The following DCC variants were observed in gnomAD, a reference collection of about 807,000 sequenced individuals.
The protein encoded by DCC is DCC netrin 1 receptor.
A neutral mutation model predicts 172.5 loss-of-function variants in DCC; 58 were observed. The ratio of observed to expected loss-of-function variants is 0.34; its 90% CI spans 0.27 to 0.42. The LOEUF is 0.42. DCC is among the 10% of genes least tolerant of loss of function. The pLI, the probability that DCC is intolerant of heterozygous loss-of-function variation, is 1.00. For missense variants in DCC, 1,740 were observed against 1,791.0 expected, an observed-to-expected ratio of 0.97 and a Z score of 0.51; for synonymous variants, 709 against 644.5, an observed-to-expected ratio of 1.10 and a Z score of -1.52.
In DCC at chr18:52,955,992, C is replaced by A. The variant is rs528665609; in HGVS notation, c.985+30622C>A. ...TTTTTTAAATCAGTTGCATGTCTTA[C>A]AAAGGTTTTCTCCCAGTCAGTGACT... On this transcript the variant is annotated intron_variant, in intron 5 of 28. Transcript: ENST00000442544. Among the ~76,000 whole-genome samples the A allele has an allele frequency of 4.0e-4, 60 of 151,540 alleles. 1 individual carries two copies. The Middle Eastern group carries it at 0.01, about 26-fold the overall frequency.
At chr18:53,226,240 G>A (rs8099160) in intron 12 of DCC, among the ~76,000 whole-genome samples, 54,332 of 152,000 alleles carry the variant, frequency 0.36, 10,949 homozygotes, top group Non-Finnish European at 0.46. Flanking sequence ...AAGTGGCTTA[G>A]GTTCTCAGTG....
intron 1 of DCC, among the ~76,000 whole-genome samples, chr18:52,482,195 A>G (rs944077162): frequency 3.3e-5 from 5 of 152,178 alleles, no homozygotes; most frequent in South Asian, 2.1e-4. Flanking sequence ...CTCCTAATAG[A>G]GTTGTATCAT....
At chr18:52,745,317 CAAG>C (rs2145121019) in intron 1 of DCC, among the ~76,000 whole-genome samples, 1 of 152,216 alleles carries the variant, frequency 6.6e-6, no homozygotes, top group Admixed American at 6.5e-5. Context: ...AGAAGGGACA[CAAG>C]AACCCCCTTG....
At chr18:53,063,523 T>C (rs2042525302) in intron 6 of DCC, 64 bp downstream of exon 6, 1 of 1,352,738 alleles carries the variant, frequency 7.4e-7, no homozygotes, top group South Asian at 1.3e-5. Context: ...TTTTCACTTG[T>C]TTTTATTTCT....
intron 5 of DCC, among the ~76,000 whole-genome samples, chr18:52,951,930 G>A (rs1027939789): frequency 4.6e-5 from 7 of 152,150 alleles, no homozygotes; most frequent in Admixed American, 3.3e-4. Context: ...AATTGTTCAA[G>A]GATGCCCAAC....
intron 5 of DCC, among the ~76,000 whole-genome samples, chr18:53,011,992 A>G (rs1371741812): frequency 6.6e-6 from 1 of 151,914 alleles, no homozygotes; most frequent in Non-Finnish European, 1.5e-5. Flanking sequence ...ACAATGCTGA[A>G]ATACCCTTAG....
At chr18:52,698,952 G>A (rs1263672706) in intron 1 of DCC, among the ~76,000 whole-genome samples, 1 of 152,096 alleles carries the variant, frequency 6.6e-6, no homozygotes, top group Admixed American at 6.5e-5. Context: ...GCATAGGAAA[G>A]GTAGTGGCCT....
intron 15 of DCC, among the ~76,000 whole-genome samples, chr18:53,341,476 A>C (rs16956615): frequency 0.16 from 24,704 of 152,192 alleles, 2,485 homozygotes; most frequent in African/African-American, 0.27. Context: ...AAGAGCTAGG[A>C]ATATTTTTAA....
chr18:52,950,929 C>CAAAAAAAAAAAAAAAAAAAAAAAAA (rs755118442), intron 5 of DCC, among the ~76,000 whole-genome samples: 1 of 57,408 alleles, frequency 1.7e-5, no homozygotes, highest in Non-Finnish European at 3.1e-5. Context: ...GACTCCGTCT[C>CAAAAAAAAAAAAAAAAAAAAAAAAA]AAAAAAAAAA....
chr18:53,089,028 T>C (rs1012791809), intron 7 of DCC, among the ~76,000 whole-genome samples: 1 of 152,196 alleles, frequency 6.6e-6, no homozygotes, highest in Non-Finnish European at 1.5e-5. Flanking sequence ...GTAATGTGAC[T>C]AGCTTAGTTA....
Position 53,345,080 on chromosome 18 carries a change from T to A in DCC, c.2359+5173T>A, listed in dbSNP as rs560732221. On this transcript the variant is annotated intron_variant, in intron 15 of 28. Coordinates refer to ENST00000442544, the MANE Select transcript of DCC (RefSeq NM_005215.4). Reference sequence around the variant, plus strand: ...ATACATACACAAATAAACATAGCTGTGTCCTAATAAAACTTTATTTGTGGA... The same window carrying A: ...ATACATACACAAATAAACATAGCTGAGTCCTAATAAAACTTTATTTGTGGA... Among the ~76,000 whole-genome samples, 7 of 151,832 alleles carry A rather than the reference T, an allele frequency of 4.6e-5. No homozygotes were observed. The East Asian group carries it at 9.7e-4, about 21-fold the overall frequency.
chr18:52,964,563 CTG>C (rs1326274254), intron 5 of DCC, among the ~76,000 whole-genome samples: 1 of 151,996 alleles, frequency 6.6e-6, no homozygotes, highest in Admixed American at 6.6e-5. Flanking sequence ...GTTTGAGGGA[CTG>C]TGGGTACTAT....
intron 27 of DCC, among the ~76,000 whole-genome samples, chr18:53,525,952 T>C (rs1026845606): frequency 3.9e-5 from 6 of 152,060 alleles, no homozygotes; most frequent in African/African-American, 1.4e-4. Flanking sequence ...AATTTCAGTT[T>C]CCTCCAAAAA....
intron 15 of DCC, among the ~76,000 whole-genome samples, chr18:53,350,076 A>G (rs981081035): frequency 5.3e-5 from 8 of 151,936 alleles, no homozygotes; most frequent in African/African-American, 1.9e-4. Context: ...TGAGAATCAG[A>G]AAAAAAACAG....
intron 14 of DCC, among the ~76,000 whole-genome samples, chr18:53,335,343 A>G (rs899259778): frequency 6.6e-6 from 1 of 152,112 alleles, no homozygotes; most frequent in African/African-American, 2.4e-5. Context: ...ATTAGGACTT[A>G]TGTTTTGTCT....
At position 53,442,213 on chromosome 18, in the gene DCC, C is replaced by T. The variant is rs370456296; in HGVS notation, c.3229+7004C>T. On this transcript the variant is annotated intron_variant, in intron 22 of 28. Coordinates refer to ENST00000442544, the MANE Select transcript of DCC (RefSeq NM_005215.4). The stretch of plus-strand genomic sequence containing the variant: ...ACATTATTGTGCTTCACAGATACTG[C>T]AGTTTTTCCAAATTGAAAGCTTGTG... Among the ~76,000 whole-genome samples, 21 of 152,308 alleles carry T rather than the reference C, an allele frequency of 1.4e-4. No homozygotes were observed. The South Asian group carries it at 3.9e-3, about 29-fold the overall frequency.
At chr18:52,878,950 A>T (rs2039441296) in intron 2 of DCC, among the ~76,000 whole-genome samples, 1 of 152,240 alleles carries the variant, frequency 6.6e-6, no homozygotes, top group Admixed American at 6.5e-5. Context: ...TTATCACTTT[A>T]TAATCCTATC....
In DCC at chr18:53,459,250, T is replaced by G. The variant is rs780768619; in HGVS notation, c.3411T>G (p.Ser1137Arg). ...TCCATAGGAAACGGGCCACCCACAG[T>G]GCTGGCAAAAGGAAGGGCAGCCAGA... ...AQQRKKRATH[S>R]AGKRKGSQKD... Residue 1137 changes from serine to arginine, a missense_variant, in exon 24 of 29, where the codon AGT becomes AGG. Physicochemically the swap from Ser to Arg is moderately radical, Grantham distance 110. Transcript: ENST00000442544. 2.5e-6 allele frequency: 4 copies of G among 1,614,064 alleles called. No individual in the cohort carries two copies. The highest frequency in any genetic ancestry group is 3.4e-6 in the Non-Finnish European group (4 of 1,179,932).
At chr18:52,356,113 G>A (rs910129517) in intron 1 of DCC, among the ~76,000 whole-genome samples, 3 of 152,080 alleles carry the variant, frequency 2.0e-5, no homozygotes, top group Non-Finnish European at 2.9e-5. Context: ...ATGTGGCAAG[G>A]TCATCTGAGA....
Sources: allele counts gnomAD v4.1 joint callset (sites outside exome capture counted in the v4.1 genomes callset), GRCh38; gene constraint gnomAD v4.1.1; transcripts MANE v1.5; gene names NCBI Gene and HGNC (gene_info 2026-07-23, HGNC 2026-07-21).